Variants in THEMIS observed in about 807,000 individuals in gnomAD.
THEMIS encodes the protein thymocyte selection associated.
THEMIS carries 37 observed loss-of-function variants against 52.6 expected under a neutral mutation model. That is an observed-to-expected ratio of 0.70 (90% CI 0.54 to 0.93). The LOEUF (loss-of-function observed/expected upper bound fraction) is 0.93, where lower values mean the gene tolerates loss of function less well. Ranked by LOEUF, THEMIS falls within the 40% of genes least tolerant of loss-of-function variation. The pLI is 0.00. For synonymous variants in THEMIS, 292 were observed against 272.7 expected, an observed-to-expected ratio of 1.07 and a Z score of -0.70; for missense variants, 808 against 763.1, an observed-to-expected ratio of 1.06 and a Z score of -0.69.
intron 1 of THEMIS, among the ~76,000 whole-genome samples, chr6:127,917,795 G>A (rs10456972): frequency 4.1e-4 from 62 of 152,332 alleles, no homozygotes; most frequent in Non-Finnish European, 7.5e-4. Context: ...TGTCATTAAA[G>A]ATAAAACTTC....
At chr6:127,716,234 G>T (rs546751571) in intron 5 of THEMIS, among the ~76,000 whole-genome samples, 1 of 152,004 alleles carries the variant, frequency 6.6e-6, no homozygotes, top group African/African-American at 2.4e-5. Context: ...CTTCCTGGCA[G>T]TGATTTGAGT....
chr6:127,845,017 A>G (rs1357820865), intron 2 of THEMIS, among the ~76,000 whole-genome samples: 2 of 151,680 alleles, frequency 1.3e-5, no homozygotes, highest in Non-Finnish European at 2.9e-5. Flanking sequence ...CCAGTGGTGC[A>G]TATATTTGGA....
At chr6:127,795,692 G>T (rs1406283200) in intron 4 of THEMIS, among the ~76,000 whole-genome samples, 1 of 152,134 alleles carries the variant, frequency 6.6e-6, no homozygotes. Context: ...AGGAAGCTGA[G>T]AATCTAAGTA....
chr6:127,802,813 C>A (rs775477247), intron 4 of THEMIS, among the ~76,000 whole-genome samples: 31 of 152,128 alleles, frequency 2.0e-4, no homozygotes, highest in Non-Finnish European at 4.0e-4. Flanking sequence ...CCAAGGAGAC[C>A]TCTAGCCTTT....
rs115315406 is a variant in THEMIS, at chr6:127,756,470, G to A, written c.1759-36647C>T. ...AGGATAATAATAAAGTGATGAAAAC[G>A]ATCAATGTAAAAAACCATTACAGAA... On this transcript the variant is annotated intron_variant, in intron 4 of 5. Coordinates refer to ENST00000368248, the MANE Select transcript of THEMIS (RefSeq NM_001010923.3). 8.4e-3 allele frequency among the ~76,000 whole-genome samples: 1,273 copies of A among 152,128 alleles called. 24 individuals carry two copies. The highest frequency in any genetic ancestry group is 0.028 in the African/African-American group (1,150 of 41,502).
intron 1 of THEMIS, among the ~76,000 whole-genome samples, chr6:127,892,510 CT>C (rs1255509515): frequency 6.6e-6 from 1 of 152,092 alleles, no homozygotes; most frequent in Non-Finnish European, 1.5e-5. Flanking sequence ...GAGGGCTTTA[CT>C]TTTTTTCCCA....
chr6:127,737,878 C>G (rs1775061170), intron 4 of THEMIS, among the ~76,000 whole-genome samples: 2 of 152,154 alleles, frequency 1.3e-5, no homozygotes, highest in Admixed American at 1.3e-4. Context: ...TTTTTCAAGA[C>G]AGGAATTCAC....
chr6:127,908,610 T>C (rs920204943), intron 1 of THEMIS, among the ~76,000 whole-genome samples: 1 of 152,174 alleles, frequency 6.6e-6, no homozygotes, highest in African/African-American at 2.4e-5. Context: ...GGACTCAACC[T>C]TTCCTCAGAA....
At chr6:127,830,240 T>A (rs1778655503) in intron 2 of THEMIS, among the ~76,000 whole-genome samples, 1 of 152,228 alleles carries the variant, frequency 6.6e-6, no homozygotes, top group South Asian at 2.1e-4. Flanking sequence ...TTCCAACTAC[T>A]TTGTGATCCC....
chr6:127,733,717 G>T (rs542168456), intron 4 of THEMIS, among the ~76,000 whole-genome samples: 5 of 152,250 alleles, frequency 3.3e-5, no homozygotes, highest in Admixed American at 6.5e-5. Flanking sequence ...AATCTATCAG[G>T]CCTCAAGATT....
chr6:127,772,728 T>A (rs183722373), intron 4 of THEMIS, among the ~76,000 whole-genome samples: 1 of 152,214 alleles, frequency 6.6e-6, no homozygotes, highest in Non-Finnish European at 1.5e-5. Flanking sequence ...GGCTCTTCCC[T>A]TAAAAGAAAA....
At chr6:127,861,801 AAAAAGAAAAG>A (rs1779810047) in intron 1 of THEMIS, among the ~76,000 whole-genome samples, 2 of 109,102 alleles carry the variant, frequency 1.8e-5, no homozygotes, top group Admixed American at 1.1e-4. Context: ...AAAAAAAAAA[AAAAAGAAAAG>A]AAAGAAAAGA....
chr6:127,815,449 A>G (rs1208001712), intron 3 of THEMIS, among the ~76,000 whole-genome samples: 7 of 152,174 alleles, frequency 4.6e-5, no homozygotes, highest in African/African-American at 1.7e-4. Context: ...TGATTTATGT[A>G]TTACTTATAT....
At chr6:127,889,257 T>A (rs879166217) in intron 1 of THEMIS, among the ~76,000 whole-genome samples, 2 of 152,120 alleles carry the variant, frequency 1.3e-5, no homozygotes, top group Admixed American at 1.3e-4. Flanking sequence ...AGTCATGTGA[T>A]CATGTGACCA....
intron 1 of THEMIS, among the ~76,000 whole-genome samples, chr6:127,912,773 A>G (rs1382868996): frequency 6.6e-6 from 1 of 152,242 alleles, no homozygotes; most frequent in Non-Finnish European, 1.5e-5. Context: ...AAGCAAATGT[A>G]AGAGGAAAAT....
At chr6:127,802,796 T>C (rs1034111070) in intron 4 of THEMIS, among the ~76,000 whole-genome samples, 1 of 152,152 alleles carries the variant, frequency 6.6e-6, no homozygotes, top group Non-Finnish European at 1.5e-5. Flanking sequence ...CTTTCTCCCA[T>C]CCTTCCCCAA....
At chr6:127,767,756 C>T (rs536704369) in intron 4 of THEMIS, among the ~76,000 whole-genome samples, 5 of 152,136 alleles carry the variant, frequency 3.3e-5, no homozygotes, top group East Asian at 1.9e-4. Context: ...TTATCATTAT[C>T]GAGTTTTATA....
chr6:127,731,864 A>ATTTTTTTTT lies in THEMIS; in HGVS notation c.1759-12050_1759-12042dup, dbSNP rs58263706. 4.8e-3 allele frequency among the ~76,000 whole-genome samples: 200 copies of ATTTTTTTTT among 41,702 alleles called. 42 individuals carry two copies. The highest frequency in any genetic ancestry group is 0.02 in the East Asian group (9 of 460). 27.4% of individuals were successfully genotyped at this position (41,702 alleles called of 152,430 possible). A position where few individuals can be genotyped will look rare whatever the true frequency, so the allele number is the denominator to read the frequency against. ...AGGTGCATGCCACCATGCCCGGCTA[A>ATTTTTTTTT]TTTTTTTTTTTTTTTTTTTTTTTAG... On this transcript the variant is annotated intron_variant, in intron 4 of 5. Coordinates refer to ENST00000368248, the MANE Select transcript of THEMIS (RefSeq NM_001010923.3).
chr6:127,851,732 A>G lies in THEMIS; in HGVS notation c.250+3298T>C, dbSNP rs532043449. On this transcript the variant is annotated intron_variant, in intron 2 of 5. Coordinates refer to ENST00000368248, the MANE Select transcript of THEMIS (RefSeq NM_001010923.3). ...TGTGGAACAAAAGAAACTCTCATTT[A>G]TTGTTTTTGGGAATGCAAAATTGTA... Among the ~76,000 whole-genome samples, 10 of 151,822 alleles carry G rather than the reference A, an allele frequency of 6.6e-5. No individual in the cohort carries two copies. In the South Asian group the frequency reaches 2.1e-3, roughly 31 times the overall value.
Sources: gnomAD v4.1 joint callset for allele counts (sites outside exome capture counted in the v4.1 genomes callset) on GRCh38, gnomAD v4.1.1 for gene constraint, MANE v1.5 for transcripts, NCBI Gene and HGNC (gene_info 2026-07-23, HGNC 2026-07-21) for gene names.